Variants in TTC39C observed in about 807,000 individuals in gnomAD.
The protein encoded by TTC39C is tetratricopeptide repeat protein 39C.
In TTC39C, 33 loss-of-function variants were observed where a neutral mutation model predicts 76.3. The ratio of observed to expected loss-of-function variants is 0.43; its 90% CI spans 0.33 to 0.58. The LOEUF is 0.58. Among genes scored for constraint, TTC39C ranks in the 20% least tolerant of loss-of-function variants. The pLI, the probability that TTC39C is intolerant of heterozygous loss-of-function variation, is 0.04. For synonymous variants in TTC39C, 254 were observed against 260.6 expected (o/e 0.97, Z 0.24); for missense variants, 595 against 701.4 (o/e 0.85, Z 1.71).
At chr18:24,070,814 G>C (rs994644322) in intron 4 of TTC39C, among the ~76,000 whole-genome samples, 5 of 152,236 alleles carry the variant, frequency 3.3e-5, no homozygotes, top group Admixed American at 2.6e-4. Context: ...CCGCACTCCA[G>C]CCTGGGTGAC....
chr18:24,001,852 G>T (rs1276368183), intron 1 of TTC39C, among the ~76,000 whole-genome samples: 1 of 124,050 alleles, frequency 8.1e-6, no homozygotes, highest in East Asian at 3.2e-4. Flanking sequence ...TTGAGACGGA[G>T]TCTCGCTCTG....
At chr18:24,093,121 T>A (rs988497949) in intron 6 of TTC39C, among the ~76,000 whole-genome samples, 1 of 152,242 alleles carries the variant, frequency 6.6e-6, no homozygotes, top group African/African-American at 2.4e-5. Flanking sequence ...TAAAGACTTA[T>A]TAAATTGTAC....
chr18:24,083,694 C>A (rs1861560282), intron 6 of TTC39C, among the ~76,000 whole-genome samples: 1 of 152,176 alleles, frequency 6.6e-6, no homozygotes, highest in Non-Finnish European at 1.5e-5. Context: ...CCTGTGCTTG[C>A]CCAGTGAGTG....
intron 1 of TTC39C, among the ~76,000 whole-genome samples, chr18:24,023,977 TATACATATATATATA>T (rs2083557255): frequency 7.1e-5 from 1 of 14,008 alleles, no homozygotes; most frequent in Non-Finnish European, 1.9e-4. Context: ...TATATATATA[TATACATATATATATA>T]TATATATATA....
chr18:24,126,816 G>A (rs2085057345), intron 10 of TTC39C, among the ~76,000 whole-genome samples: 2 of 151,920 alleles, frequency 1.3e-5, no homozygotes, highest in Admixed American at 6.6e-5. Context: ...CCTGGCTACT[G>A]TATTTATTTT....
chr18:24,114,075 TC>T, intron 6 of TTC39C: 1 of 275,926 alleles, frequency 3.6e-6, no homozygotes, highest in Non-Finnish European at 7.0e-6. Context: ...TTGAGAGACT[TC>T]TGGGCCAGGG....
Position 24,112,663 on chromosome 18 carries a change from A to G in TTC39C, c.985-1891A>G, listed in dbSNP as rs149999667. Among the ~76,000 whole-genome samples, 124 of 152,078 alleles carry G rather than the reference A, an allele frequency of 8.2e-4. 1 individual carries two copies. The highest frequency in any genetic ancestry group is 1.5e-3 in the Non-Finnish European group (99 of 68,004). On this transcript the variant is annotated intron_variant, in intron 6 of 13. Transcript: ENST00000317571. Reference sequence around the variant, plus strand: ...TCTGTCCTCTGAAGGACAGCGTGCTATTGCACTGTCATGTACCATGGGGGA... The same window carrying G: ...TCTGTCCTCTGAAGGACAGCGTGCTGTTGCACTGTCATGTACCATGGGGGA...
intron 11 of TTC39C, among the ~76,000 whole-genome samples, chr18:24,129,490 G>A (rs754732470): frequency 3.9e-5 from 6 of 152,020 alleles, no homozygotes; most frequent in Non-Finnish European, 7.4e-5. Flanking sequence ...TCAGGGTACA[G>A]TGGCCGGGCA....
intron 5 of TTC39C, among the ~76,000 whole-genome samples, chr18:24,082,147 A>G (rs1438442074): frequency 6.6e-6 from 1 of 151,640 alleles, no homozygotes; most frequent in Non-Finnish European, 1.5e-5. Flanking sequence ...CAGTCTCCCA[A>G]GTAGCTAGGA....
intron 1 of TTC39C, among the ~76,000 whole-genome samples, chr18:24,057,274 A>G (rs1385124301): frequency 6.6e-6 from 1 of 152,362 alleles, no homozygotes; most frequent in East Asian, 1.9e-4. Context: ...AAAGAATACT[A>G]ATTTATTAAT....
chr18:24,010,970 C>T (rs2083389749), upstream of TTC39C, among the ~76,000 whole-genome samples: 1 of 152,138 alleles, frequency 6.6e-6, no homozygotes, highest in African/African-American at 2.4e-5. Context: ...ATCACTTGAG[C>T]CTGGGAGGTG....
chr18:24,132,008 A>G (rs1334769612), intron 13 of TTC39C, 88 bp downstream of exon 13: 12 of 1,287,490 alleles, frequency 9.3e-6, no homozygotes, highest in African/African-American at 3.0e-5. Context: ...AGTTTGTGCA[A>G]TGATGTTCTG....
Position 24,123,922 on chromosome 18 carries a change from T to G in TTC39C, c.1275T>G (p.Ile425Met). ...QKLFKRKNNQ[I>M]EQFSVKKAER... ...TCTTCAAAAGGAAAAACAATCAGAT[T>G]GAACAGTTCTCGGTGAAAAAGGTAT... The change falls in exon 9 of 14, where the codon ATT becomes ATG. Residue 425 changes from isoleucine (I) to methionine (M), a missense_variant. Physicochemically the swap from Ile to Met is conservative, Grantham distance 10. Coordinates refer to ENST00000317571, the MANE Select transcript of TTC39C (RefSeq NM_001135993.2). 6.2e-7 allele frequency: 1 copy of G among 1,612,746 alleles called. No individual in the cohort carries two copies. The highest frequency in any genetic ancestry group is 8.5e-7 in the Non-Finnish European group (1 of 1,179,432).
intron 5 of TTC39C, among the ~76,000 whole-genome samples, chr18:24,081,682 G>A (rs1417194599): frequency 1.3e-5 from 2 of 152,030 alleles, no homozygotes; most frequent in Admixed American, 6.6e-5. Context: ...ATTTCTACTT[G>A]TATCAGTATT....
chr18:24,031,022 T>A (rs1483399722), intron 1 of TTC39C, among the ~76,000 whole-genome samples: 1 of 151,836 alleles, frequency 6.6e-6, no homozygotes, highest in African/African-American at 2.4e-5. Context: ...TCTCGGCAAC[T>A]TGCAGCCTCC....
At chr18:24,044,818 TTA>T (rs1426604567) in intron 1 of TTC39C, among the ~76,000 whole-genome samples, 4 of 152,150 alleles carry the variant, frequency 2.6e-5, no homozygotes, top group African/African-American at 7.2e-5. Context: ...TCGGAAAGAT[TTA>T]TGTCATTTTA....
At chr18:24,006,292 C>T (rs981690049) in intron 1 of TTC39C, 2 of 152,124 alleles carry the variant, frequency 1.3e-5, no homozygotes, top group Admixed American at 6.6e-5. Context: ...GCATTAGCCA[C>T]CATGCTCAGC....
chr18:24,127,799 A>T (rs2085069428), intron 10 of TTC39C, among the ~76,000 whole-genome samples: 1 of 152,226 alleles, frequency 6.6e-6, no homozygotes, highest in South Asian at 2.1e-4. Context: ...TACCAGCATA[A>T]GCCACCATGC....
intron 1 of TTC39C, among the ~76,000 whole-genome samples, chr18:24,023,972 A>ACG (rs1229450858): frequency 3.0e-3 from 37 of 12,422 alleles, no homozygotes; most frequent in African/African-American, 6.4e-3. Context: ...ATATATATAT[A>ACG]TATATATACA....
Sources: gnomAD v4.1 joint callset for allele counts (sites outside exome capture counted in the v4.1 genomes callset) on GRCh38, gnomAD v4.1.1 for gene constraint, MANE v1.5 for transcripts, NCBI Gene and HGNC (gene_info 2026-07-23, HGNC 2026-07-21) for gene names.